SPOCK3: variants seen among roughly 807,000 people sequenced by gnomAD.
SPOCK3 encodes the protein testican-3.
Under a neutral mutation model 56.6 loss-of-function variants are expected in SPOCK3, and 30 were observed. That is an observed-to-expected ratio of 0.53 (90% CI 0.40 to 0.72). SPOCK3 has a LOEUF of 0.72. SPOCK3 is among the 30% of genes least tolerant of loss of function. The pLI is 0.00. For missense variants in SPOCK3, 527 were observed against 530.0 expected (o/e 0.99, Z 0.06); for synonymous variants, 196 against 183.3 (o/e 1.07, Z -0.56).
In SPOCK3 at chr4:167,205,564, AT is replaced by A. The variant is rs1344714996; in HGVS notation, c.189+28420del. 9.2e-5 allele frequency among the ~76,000 whole-genome samples: 7 copies of A among 75,858 alleles called. No homozygotes were observed. In the East Asian group the frequency reaches 1.9e-3, roughly 20 times the overall value. The allele number at this position is 75,858 out of a possible 152,430, so 49.8% of individuals were successfully genotyped here. A position where few individuals can be genotyped will look rare whatever the true frequency, so the allele number is the denominator to read the frequency against. On this transcript the variant is annotated intron_variant, in intron 2 of 10. Transcript: ENST00000357545. ...ATATATTATATAATATATAATATAT[AT>A]TATATATATAATATAATATAAAATA...
At chr4:166,892,428 G>T (rs1055752711) in intron 5 of SPOCK3, among the ~76,000 whole-genome samples, 9 of 151,646 alleles carry the variant, frequency 5.9e-5, no homozygotes, top group Admixed American at 5.3e-4. Flanking sequence ...TTATCAGAAA[G>T]CTACTTAGTT....
At chr4:166,837,367 C>T (rs994655863) in intron 6 of SPOCK3, among the ~76,000 whole-genome samples, 2 of 152,106 alleles carry the variant, frequency 1.3e-5, no homozygotes, top group Admixed American at 6.5e-5. Context: ...TGGTGTTTCA[C>T]CATGTTCCCC....
At position 167,228,518 on chromosome 4, in the gene SPOCK3, C is replaced by A. The variant is rs576678020; in HGVS notation, c.189+5467G>T. Among the ~76,000 whole-genome samples the A allele has an allele frequency of 6.0e-4, 91 of 152,256 alleles. 1 individual carries two copies. The South Asian group carries it at 0.018, about 30-fold the overall frequency. On this transcript the variant is annotated intron_variant, in intron 2 of 10. Coordinates refer to ENST00000357545, the MANE Select transcript of SPOCK3 (RefSeq NM_001040159.2). ...TGTGATACCAGCTCTAGCTAAGATT[C>A]CCTTCAGAAACAAGCAGATCAGTGG... is the stretch of plus-strand genomic sequence containing the variant.
chr4:167,041,551 C>T (rs1161658630), intron 3 of SPOCK3, among the ~76,000 whole-genome samples: 1 of 152,108 alleles, frequency 6.6e-6, no homozygotes, highest in South Asian at 2.1e-4. Flanking sequence ...AACAATCCTA[C>T]TCCCCCTACA....
intron 2 of SPOCK3, among the ~76,000 whole-genome samples, chr4:167,205,704 C>T (rs780807512): frequency 9.3e-5 from 13 of 140,208 alleles, no homozygotes; most frequent in African/African-American, 1.9e-4. Context: ...CTTCTGTCCC[C>T]GGGGTTTAAG....
chr4:166,864,907 G>C (rs1178223045), intron 6 of SPOCK3, among the ~76,000 whole-genome samples: 1 of 152,136 alleles, frequency 6.6e-6, no homozygotes, highest in Non-Finnish European at 1.5e-5. Context: ...GAAAGAAAAA[G>C]AGGGAGCCCT....
intron 2 of SPOCK3, among the ~76,000 whole-genome samples, chr4:167,100,120 T>C (rs918243076): frequency 3.3e-5 from 5 of 152,150 alleles, no homozygotes; most frequent in Admixed American, 3.3e-4. Flanking sequence ...ACTCTCACTA[T>C]CAATTTACTT....
intron 9 of SPOCK3, among the ~76,000 whole-genome samples, chr4:166,738,547 C>T (rs1387803690): frequency 2.0e-5 from 3 of 149,696 alleles, no homozygotes; most frequent in African/African-American, 7.4e-5. Context: ...TATACATGTG[C>T]CATGCTGCTG....
intron 2 of SPOCK3, among the ~76,000 whole-genome samples, chr4:167,136,303 C>T (rs376015896): frequency 3.0e-4 from 45 of 152,062 alleles, no homozygotes; most frequent in African/African-American, 8.2e-4. Flanking sequence ...GAAGATATGA[C>T]GCAAAGATTA....
intron 2 of SPOCK3, among the ~76,000 whole-genome samples, chr4:167,120,078 CA>C (rs1387678541): frequency 1.3e-5 from 2 of 152,016 alleles, no homozygotes; most frequent in Non-Finnish European, 2.9e-5. Flanking sequence ...ACAATGTACA[CA>C]TACATATCTT....
intron 5 of SPOCK3, among the ~76,000 whole-genome samples, chr4:166,892,571 G>A (rs1425173030): frequency 6.6e-6 from 1 of 151,900 alleles, no homozygotes; most frequent in Non-Finnish European, 1.5e-5. Context: ...AATTAATAAT[G>A]TTCAATTTAC....
At chr4:167,124,524 T>G (rs1253350840) in intron 2 of SPOCK3, among the ~76,000 whole-genome samples, 1 of 152,196 alleles carries the variant, frequency 6.6e-6, no homozygotes, top group Non-Finnish European at 1.5e-5. Context: ...TGATGCCCTT[T>G]TCTCCCCCAC....
chr4:167,170,713 C>T (rs533006817), intron 2 of SPOCK3, among the ~76,000 whole-genome samples: 1 of 152,084 alleles, frequency 6.6e-6, no homozygotes, highest in Non-Finnish European at 1.5e-5. Context: ...TTAAGTTTAC[C>T]TTTTCTTAAG....
intron 7 of SPOCK3, among the ~76,000 whole-genome samples, chr4:166,783,524 A>C (rs1740408028): frequency 6.6e-6 from 1 of 152,164 alleles, no homozygotes. Context: ...ATCAAAATAC[A>C]AAATATAAAA....
At chr4:167,219,362 T>A (rs566714932) in intron 2 of SPOCK3, among the ~76,000 whole-genome samples, 25 of 152,336 alleles carry the variant, frequency 1.6e-4, no homozygotes, top group African/African-American at 6.0e-4. Context: ...GTATCTTGCC[T>A]ATTGTACCCT....
Position 166,858,664 on chromosome 4 carries a change from G to A in SPOCK3, c.589+30466C>T, listed in dbSNP as rs150057074. On this transcript the variant is annotated intron_variant, in intron 6 of 10. Coordinates refer to ENST00000357545, the MANE Select transcript of SPOCK3 (RefSeq NM_001040159.2). The stretch of plus-strand genomic sequence containing the variant: ...GCATAAAAATGTGATCATACATGTG[G>A]AATGGAGATCATTTACTAAAATTGA... 1.9e-3 allele frequency among the ~76,000 whole-genome samples: 296 copies of A among 152,148 alleles called. 1 individual carries two copies. Among genetic ancestry groups the A allele is most frequent in the African/African-American group, 7.0e-3 (290 of 41,526 alleles).
chr4:167,105,772 TAGA>T (rs1760073372), intron 2 of SPOCK3, among the ~76,000 whole-genome samples: 1 of 151,688 alleles, frequency 6.6e-6, no homozygotes, highest in Non-Finnish European at 1.5e-5. Context: ...AAGACACATA[TAGA>T]TTGAAGATAA....
intron 7 of SPOCK3, among the ~76,000 whole-genome samples, chr4:166,764,037 A>G (rs546060780): frequency 6.6e-6 from 1 of 151,834 alleles, no homozygotes; most frequent in Non-Finnish European, 1.5e-5. Flanking sequence ...GGGGCCTTTG[A>G]TGGTTTGGGG....
Position 167,030,083 on chromosome 4 carries a change from T to TTCTATCTATCTATCTATCTA in SPOCK3, c.236-29640_236-29621dup, listed in dbSNP as rs59694023. On this transcript the variant is annotated intron_variant, in intron 3 of 10. Coordinates refer to ENST00000357545, the MANE Select transcript of SPOCK3 (RefSeq NM_001040159.2). ...TTTTTAGTGTTATTTTAATGGCTCA[T>TTCTATCTATCTATCTATCTA]TCTATCTATCTATCTATCTATCTAT... Among the ~76,000 whole-genome samples the TTCTATCTATCTATCTATCTA allele has an allele frequency of 1.9e-3, 267 of 141,474 alleles. 2 individuals are homozygous for TTCTATCTATCTATCTATCTA. The highest frequency in any genetic ancestry group is 7.1e-3 in the Middle Eastern group (2 of 280). 92.8% of individuals were successfully genotyped at this position (141,474 alleles called of 152,430 possible).
Sources: allele counts gnomAD v4.1 joint callset (sites outside exome capture counted in the v4.1 genomes callset), GRCh38; gene constraint gnomAD v4.1.1; transcripts MANE v1.5; gene names NCBI Gene and HGNC (gene_info 2026-07-23, HGNC 2026-07-21).